Variants in INO80 observed in about 807,000 individuals in gnomAD.
The protein encoded by INO80 is INO80 complex ATPase subunit, also known as chromatin-remodeling ATPase INO80.
In INO80, 20 loss-of-function variants were observed where a neutral mutation model predicts 203.4. The observed-to-expected ratio is 0.10, with a 90% CI of 0.07 to 0.14. The LOEUF is 0.14. INO80 is among the 10% of genes least tolerant of loss of function. The pLI is 1.00. For synonymous variants in INO80, 726 were observed against 685.2 expected (o/e 1.06, Z -0.93); for missense variants, 1,419 against 1,914.4 (o/e 0.74, Z 4.83).
chr15:41,067,516 CTCA>C (rs1159822351), intron 14 of INO80, among the ~76,000 whole-genome samples: 5 of 152,094 alleles, frequency 3.3e-5, no homozygotes, highest in Non-Finnish European at 5.9e-5. Context: ...TTAGAATGAT[CTCA>C]TCATCATCTC....
chr15:41,111,338 C>A (rs1430189902), intron 1 of INO80, among the ~76,000 whole-genome samples: 4 of 152,100 alleles, frequency 2.6e-5, no homozygotes, highest in African/African-American at 9.7e-5. Context: ...CCCGGTTACT[C>A]AGGAGGCTGA....
intron 28 of INO80, among the ~76,000 whole-genome samples, chr15:41,002,123 AT>A (rs1199561096): frequency 1.3e-5 from 2 of 152,166 alleles, no homozygotes; most frequent in African/African-American, 2.4e-5. Flanking sequence ...CTCTTTTTCC[AT>A]TTTGCCCAAT....
At chr15:41,031,998 G>GACAGCACAGCACAGCACAGCACAGC (rs1414668191) in intron 24 of INO80, among the ~76,000 whole-genome samples, 1 of 53,864 alleles carries the variant, frequency 1.9e-5, no homozygotes, top group African/African-American at 5.1e-5. Flanking sequence ...CACAGCACAG[G>GACAGCACAGCACAGCACAGCACAGC]ACAGCACAGC....
At chr15:41,101,993 C>T (rs2045815519) in intron 1 of INO80, among the ~76,000 whole-genome samples, 2 of 151,854 alleles carry the variant, frequency 1.3e-5, no homozygotes, top group Admixed American at 6.6e-5. Context: ...AATTCGAGAC[C>T]AACCTGGCTA....
At chr15:40,981,292 T>C (rs979427615) in intron 35 of INO80, among the ~76,000 whole-genome samples, 3 of 152,102 alleles carry the variant, frequency 2.0e-5, no homozygotes, top group African/African-American at 7.2e-5. Flanking sequence ...TCCCTCACCC[T>C]TTCTGCCCTC....
Position 41,027,156 on chromosome 15 carries a change from T to A in INO80, c.3048+440A>T, listed in dbSNP as rs547350130. 7.9e-5 allele frequency among the ~76,000 whole-genome samples: 12 copies of A among 152,352 alleles called. No homozygotes were observed. The East Asian group carries it at 2.3e-3, about 29-fold the overall frequency. On this transcript the variant is annotated intron_variant, in intron 25 of 35. Coordinates refer to ENST00000648947, the MANE Select transcript of INO80 (RefSeq NM_017553.3). ...CTTGATGCTGGAGTGTTATGTTTCC[T>A]TTTGTTATCTGGAGACTGTACTGAG...
intron 29 of INO80, among the ~76,000 whole-genome samples, chr15:40,996,693 G>A (rs1223038631): frequency 6.6e-6 from 1 of 152,106 alleles, no homozygotes; most frequent in Admixed American, 6.5e-5. Context: ...AGGAAAGAGT[G>A]GATAATTTGT....
intron 35 of INO80, 121 bp downstream of exon 35, chr15:40,982,741 A>G (rs1315274493): frequency 9.0e-6 from 7 of 773,576 alleles, no homozygotes; most frequent in Admixed American, 4.7e-5. Context: ...AAGAACCCCA[A>G]TTGGGGCTCT....
chr15:40,996,204 C>A (rs188568939), intron 29 of INO80, among the ~76,000 whole-genome samples: 1 of 152,242 alleles, frequency 6.6e-6, no homozygotes, highest in Non-Finnish European at 1.5e-5. Flanking sequence ...ACATTAAGTG[C>A]CATTTTTAGA....
intron 15 of INO80, 72 bp from the exon 16 acceptor site, chr15:41,058,853 GT>G: frequency 6.9e-7 from 1 of 1,450,306 alleles, no homozygotes. Flanking sequence ...TGTATGGACT[GT>G]TTTTCTAGGG....
At chr15:41,070,067 C>T (rs564438711) in intron 13 of INO80, among the ~76,000 whole-genome samples, 1 of 152,120 alleles carries the variant, frequency 6.6e-6, no homozygotes, top group South Asian at 2.1e-4. Context: ...AAGTAGATAA[C>T]GTCTCCATAG....
Position 41,090,986 on chromosome 15 carries a change from T to A in INO80, c.537+1041A>T, listed in dbSNP as rs3101442. 2.7e-5 allele frequency among the ~76,000 whole-genome samples: 4 copies of A among 149,018 alleles called. No homozygotes were observed. In the East Asian group the frequency reaches 8.0e-4, roughly 30 times the overall value. On this transcript the variant is annotated intron_variant, in intron 5 of 35. Transcript: ENST00000648947. ...GTCACCCAGGCAAGAGTGCAGTGGCTCAATCTCGGCTCACTGCAACCTCCA... is the reference window on the plus strand; with the variant it reads ...GTCACCCAGGCAAGAGTGCAGTGGCACAATCTCGGCTCACTGCAACCTCCA...
intron 30 of INO80, 40 bp downstream of exon 30, chr15:40,987,776 T>A: frequency 6.3e-7 from 1 of 1,584,328 alleles, no homozygotes; most frequent in Non-Finnish European, 8.6e-7. Context: ...GACTTTCTGT[T>A]TGCTCCACCA....
intron 6 of INO80, 76 bp downstream of exon 6, chr15:41,087,486 C>A: frequency 6.7e-7 from 1 of 1,487,528 alleles, no homozygotes. Flanking sequence ...TATATAAAGT[C>A]CAAATGCACC....
chr15:41,080,944 CA>C, intron 8 of INO80, 75 bp downstream of exon 8: 1 of 900,996 alleles, frequency 1.1e-6, no homozygotes, highest in Non-Finnish European at 1.9e-6. Context: ...CGGACAAGAG[CA>C]GCAAGATGGA....
intron 19 of INO80, among the ~76,000 whole-genome samples, chr15:41,053,482 T>C (rs372562766): frequency 3.9e-5 from 6 of 152,334 alleles, no homozygotes; most frequent in African/African-American, 1.2e-4. Flanking sequence ...AGATACGTGA[T>C]GCTATCATGG....
chr15:41,114,574 T>A (rs1240724844), intron 1 of INO80, among the ~76,000 whole-genome samples: 1 of 151,986 alleles, frequency 6.6e-6, no homozygotes, highest in African/African-American at 2.4e-5. Flanking sequence ...CCGGGTGTGG[T>A]GGCAGCCGCC....
At chr15:41,064,097 C>A (rs998625244) in intron 14 of INO80, among the ~76,000 whole-genome samples, 1 of 152,054 alleles carries the variant, frequency 6.6e-6, no homozygotes, top group Non-Finnish European at 1.5e-5. Context: ...AATAGGCAGA[C>A]GAATCAGTAA....
In INO80 at chr15:41,027,717, T is replaced by C; in HGVS notation, c.2927A>G (p.His976Arg). ...TGAGTAGCCACTCACTGCTTTACAG[T>C]GGCTGCTGAAAACAAGAGACTGCAA... ...PLLKSLVFSSHCKAVSGYSDQ... is the reference protein window; with the variant it reads ...PLLKSLVFSSRCKAVSGYSDQ... Residue 976 changes from histidine to arginine, a missense_variant, in exon 25 of 36, where the codon CAC (histidine) becomes CGC (arginine). By Grantham distance (29) the His-to-Arg change is conservative. This residue lies in a region of INO80 where 302 missense variants were observed against 345.4 expected (regional missense o/e 0.87). Coordinates refer to ENST00000648947, the MANE Select transcript of INO80 (RefSeq NM_017553.3). 4.4e-6 allele frequency: 7 copies of C among 1,595,182 alleles called. No individual in the cohort carries two copies. Among genetic ancestry groups the C allele is most frequent in the East Asian group, 2.2e-5 (1 of 44,522 alleles).
Sources: allele counts gnomAD v4.1 joint callset (sites outside exome capture counted in the v4.1 genomes callset), GRCh38; gene constraint gnomAD v4.1.1; regional missense constraint gnomAD v4.1.1; transcripts MANE v1.5; gene names NCBI Gene and HGNC (gene_info 2026-07-23, HGNC 2026-07-21).